Variants in SMCHD1 observed in about 807,000 individuals in gnomAD.
The protein encoded by SMCHD1 is structural maintenance of chromosomes flexible hinge domain containing 1.
In SMCHD1, 78 loss-of-function variants were observed where a neutral mutation model predicts 254.7. The observed-to-expected ratio is 0.31, with a 90% CI of 0.26 to 0.37. SMCHD1 has a LOEUF of 0.37. Ranked by LOEUF, SMCHD1 falls within the 10% of genes least tolerant of loss-of-function variation. The pLI is 1.00. For synonymous variants in SMCHD1, 766 were observed against 794.9 expected (o/e 0.96, Z 0.61); for missense variants, 1,840 against 2,408.1 (o/e 0.76, Z 4.94).
In SMCHD1 at chr18:2,656,098, G is replaced by C; in HGVS notation, c.23G>C (p.Gly8Ala). MAAADGG[G>A]PGGASVGTEE... ...AATATGGCAGCGGCGGACGGCGGCG[G>C]GCCTGGTGGGGCCTCTGTGGGGACT... The change falls in exon 1 of 48, where the codon GGG becomes GCG. Residue 8 changes from glycine to alanine, a missense_variant. Around this residue, in one of 9 missense-constraint regions of SMCHD1, gnomAD observed 115 missense variants for 99.1 expected, o/e 1.16. Transcript: ENST00000320876. 1 of 1,413,754 alleles carries C rather than the reference G, an allele frequency of 7.1e-7. No homozygotes were observed. The highest frequency in any genetic ancestry group is 9.2e-7 in the Non-Finnish European group (1 of 1,081,780). The allele number at this position is 1,413,754 out of a possible 1,614,324, so 87.6% of individuals were successfully genotyped here.
chr18:2,691,003 AT>A (rs1289232688), intron 7 of SMCHD1, among the ~76,000 whole-genome samples: 5 of 144,366 alleles, frequency 3.5e-5, no homozygotes, highest in Admixed American at 6.9e-5. Context: ...GATGGGTTGG[AT>A]TTTTTTTTTC....
At chr18:2,735,300 A>G (rs899390823) in intron 25 of SMCHD1, among the ~76,000 whole-genome samples, 5 of 152,174 alleles carry the variant, frequency 3.3e-5, no homozygotes, top group Non-Finnish European at 5.9e-5. Context: ...AGATAATGAG[A>G]ACCATCCATG....
Position 2,763,669 on chromosome 18 carries a change from G to T in SMCHD1, c.4599G>T (p.Leu1533Phe), listed in dbSNP as rs770018521. Residue 1533 changes from leucine (L) to phenylalanine (F), a missense_variant, in exon 37 of 48, where the codon TTG becomes TTT. Physicochemically the swap from Leu to Phe is conservative, Grantham distance 22. Around this residue, in one of 9 missense-constraint regions of SMCHD1, gnomAD observed 881 missense variants for 1,009.5 expected, o/e 0.87. Coordinates refer to ENST00000320876, the MANE Select transcript of SMCHD1 (RefSeq NM_015295.3). ...ACGACAACCATACTGGAATTGATTT[G>T]GTTGGCACTATAATAGCCACCATTA... ...DDYDNHTGIDLVGTIIATIKG... is the reference protein window; with the variant it reads ...DDYDNHTGIDFVGTIIATIKG... The T allele has an allele frequency of 3.6e-5, 57 of 1,585,058 alleles. No homozygotes were observed. Among genetic ancestry groups the T allele is most frequent in the Non-Finnish European group, 4.6e-5 (54 of 1,169,762 alleles).
chr18:2,674,225 C>G, intron 5 of SMCHD1, 80 bp downstream of exon 5: 1 of 1,155,628 alleles, frequency 8.7e-7, no homozygotes, highest in Non-Finnish European at 1.2e-6. Flanking sequence ...CCTTTGGATG[C>G]ATATGATACA....
At chr18:2,753,917 G>A (rs1456276813) in intron 34 of SMCHD1, among the ~76,000 whole-genome samples, 1 of 152,092 alleles carries the variant, frequency 6.6e-6, no homozygotes, top group Non-Finnish European at 1.5e-5. Flanking sequence ...ATGTAATAGA[G>A]TGGCATCACA....
intron 34 of SMCHD1, among the ~76,000 whole-genome samples, chr18:2,757,389 A>C (rs2075702089): frequency 6.7e-6 from 1 of 148,770 alleles, no homozygotes; most frequent in African/African-American, 2.4e-5. Context: ...TTTTTTTTTT[A>C]ATTTGGTAGA....
rs546224319 is a variant in SMCHD1, at chr18:2,749,892, C to A, written c.3928-151C>A. ...ATCATTACATACTACATTATTCCAA[C>A]TAGTTCAGATTTTTAAAATTTAGAT... On this transcript the variant is annotated intron_variant, in intron 30 of 47. Transcript: ENST00000320876. 6.8e-5 allele frequency: 43 copies of A among 629,616 alleles called. No homozygotes were observed. In the African/African-American group the frequency reaches 7.2e-4, roughly 11 times the overall value. The allele number at this position is 629,616 out of a possible 1,614,324, so 39.0% of individuals were successfully genotyped here.
chr18:2,688,563 C>T, intron 6 of SMCHD1, 55 bp downstream of exon 6: 1 of 1,588,494 alleles, frequency 6.3e-7, no homozygotes, highest in South Asian at 1.1e-5. Context: ...TTGAAGTTGA[C>T]TCTGTCTAAA....
intron 29 of SMCHD1, among the ~76,000 whole-genome samples, chr18:2,747,145 G>A (rs1043161396): frequency 6.6e-6 from 1 of 152,148 alleles, no homozygotes; most frequent in Non-Finnish European, 1.5e-5. Context: ...CATAGCATTT[G>A]CGTTGTATTA....
rs1378907815 is a variant in SMCHD1, at chr18:2,655,800, G to A, written c.-276G>A. On this transcript the variant is annotated 5_prime_UTR_variant, in exon 1 of 48. Transcript: ENST00000320876. ...GGGCGGCGATAGGCGCTGGGCCCGG[G>A]CCCGGTGAGGAGCGCGCCGCGCGTC... is the stretch of plus-strand genomic sequence containing the variant. 9 of 300,602 alleles carry A rather than the reference G, an allele frequency of 3.0e-5. 1 individual carries two copies. In the Admixed American group the frequency reaches 4.1e-4, roughly 14 times the overall value. The allele number at this position is 300,602 out of a possible 1,614,324, so 18.6% of individuals were successfully genotyped here.
intron 28 of SMCHD1, among the ~76,000 whole-genome samples, chr18:2,743,412 G>A (rs1213892943): frequency 6.6e-6 from 1 of 151,878 alleles, no homozygotes; most frequent in Admixed American, 6.6e-5. Context: ...CAAACAGTGT[G>A]TATATCTGGT....
chr18:2,713,421 A>G (rs571667499), intron 17 of SMCHD1, among the ~76,000 whole-genome samples: 2 of 152,122 alleles, frequency 1.3e-5, no homozygotes, highest in Non-Finnish European at 2.9e-5. Context: ...CTCTATTGGT[A>G]CAAGTTGAGA....
chr18:2,751,158 A>AT, intron 32 of SMCHD1, 120 bp from the exon 33 acceptor site: 1 of 580,004 alleles, frequency 1.7e-6, no homozygotes, highest in South Asian at 2.2e-5. Flanking sequence ...TTGTATTAAC[A>AT]TTTAAATAAC....
chr18:2,725,599 G>T (rs11664217), intron 21 of SMCHD1, among the ~76,000 whole-genome samples: 1 of 151,250 alleles, frequency 6.6e-6, no homozygotes, highest in Admixed American at 6.6e-5. Context: ...ACTGTAGCAA[G>T]TTTTTTTTCA....
At chr18:2,689,284 C>T (rs1358179657) in intron 7 of SMCHD1, among the ~76,000 whole-genome samples, 3 of 149,984 alleles carry the variant, frequency 2.0e-5, no homozygotes, top group African/African-American at 4.9e-5. Flanking sequence ...GTGGCGCAAC[C>T]TCAGCTCGCT....
chr18:2,674,221 G>C (rs1352133791), intron 5 of SMCHD1, 76 bp downstream of exon 5: 3 of 1,209,546 alleles, frequency 2.5e-6, no homozygotes, highest in Non-Finnish European at 3.4e-6. Context: ...TATGCCTTTG[G>C]ATGCATATGA....
chr18:2,743,228 ACAAAT>A (rs758252867), intron 28 of SMCHD1, among the ~76,000 whole-genome samples: 19 of 152,216 alleles, frequency 1.2e-4, no homozygotes, highest in Non-Finnish European at 2.5e-4. Flanking sequence ...TTGAGTAGTG[ACAAAT>A]CAAAGCTCCT....
intron 41 of SMCHD1, among the ~76,000 whole-genome samples, chr18:2,772,959 T>C (rs1165978206): frequency 1.3e-5 from 2 of 152,270 alleles, no homozygotes; most frequent in East Asian, 3.8e-4. Flanking sequence ...GTATTTCTCA[T>C]TTATACATAA....
intron 45 of SMCHD1, chr18:2,784,932 C>A: frequency 2.5e-6 from 1 of 407,426 alleles, no homozygotes; most frequent in East Asian, 7.0e-5. Context: ...GGCAACGTAG[C>A]AAGACTCCAT....
Sources: allele counts gnomAD v4.1 joint callset (sites outside exome capture counted in the v4.1 genomes callset), GRCh38; gene constraint gnomAD v4.1.1; regional missense constraint gnomAD v4.1.1; transcripts MANE v1.5; gene names NCBI Gene and HGNC (gene_info 2026-07-23, HGNC 2026-07-21).